PIBF1: variants seen among roughly 807,000 people sequenced by gnomAD.
PIBF1 encodes the protein progesterone-induced-blocking factor 1.
A neutral mutation model predicts 112.5 loss-of-function variants in PIBF1; 90 were observed. That is an observed-to-expected ratio of 0.80 (90% CI 0.67 to 0.95). The LOEUF is 0.95. Ranked by LOEUF, PIBF1 falls within the 40% of genes least tolerant of loss-of-function variation. The pLI, the probability that PIBF1 is intolerant of heterozygous loss-of-function variation, is 0.00. For synonymous variants in PIBF1, 301 were observed against 288.6 expected (o/e 1.04, Z -0.44); for missense variants, 915 against 852.3 (o/e 1.07, Z -0.92).
chr13:72,810,437 A>C (rs997612013), intron 5 of PIBF1, among the ~76,000 whole-genome samples: 1 of 152,244 alleles, frequency 6.6e-6, no homozygotes, highest in Non-Finnish European at 1.5e-5. Context: ...TTTTGTCAAG[A>C]GTACTTCCTT....
chr13:72,908,863 A>G (rs1000911645), intron 12 of PIBF1, among the ~76,000 whole-genome samples, 182 bp downstream of exon 12: 3 of 151,948 alleles, frequency 2.0e-5, no homozygotes, highest in Admixed American at 6.6e-5. Flanking sequence ...AGCCTGGCCA[A>G]CGTGACAAAA....
intron 8 of PIBF1, among the ~76,000 whole-genome samples, chr13:72,832,165 C>T (rs2037157862): frequency 7.7e-6 from 1 of 129,460 alleles, no homozygotes; most frequent in Non-Finnish European, 1.6e-5. Context: ...TGTGTCTTTG[C>T]AAATGAGATG....
intron 5 of PIBF1, among the ~76,000 whole-genome samples, chr13:72,811,267 T>A (rs1225398512): frequency 6.6e-6 from 1 of 152,186 alleles, no homozygotes; most frequent in East Asian, 1.9e-4. Flanking sequence ...TAATTGAGAT[T>A]TAAAAATAAC....
At chr13:72,862,772 C>T (rs2038751596) in intron 10 of PIBF1, among the ~76,000 whole-genome samples, 1 of 152,072 alleles carries the variant, frequency 6.6e-6, no homozygotes, top group South Asian at 2.1e-4. Context: ...TCCTGAAAAA[C>T]CTACTGGAAA....
chr13:72,942,966 A>T (rs1309840698), intron 14 of PIBF1, among the ~76,000 whole-genome samples: 1 of 152,128 alleles, frequency 6.6e-6, no homozygotes, highest in Non-Finnish European at 1.5e-5. Flanking sequence ...GTGTCACTGC[A>T]CTCCAGCCCA....
chr13:72,953,364 G>A (rs1458717753), intron 14 of PIBF1, among the ~76,000 whole-genome samples: 2 of 152,094 alleles, frequency 1.3e-5, no homozygotes, highest in African/African-American at 2.4e-5. Flanking sequence ...CGTAATGTGC[G>A]GCACTCCCCC....
chr13:72,874,122 A>G (rs2039292723), intron 10 of PIBF1, among the ~76,000 whole-genome samples: 1 of 152,146 alleles, frequency 6.6e-6, no homozygotes, highest in South Asian at 2.1e-4. Flanking sequence ...AGTTAACTCA[A>G]ATGTCCACAC....
At chr13:73,010,333 T>C (rs1407723253) in intron 17 of PIBF1, among the ~76,000 whole-genome samples, 1 of 151,188 alleles carries the variant, frequency 6.6e-6, no homozygotes, top group Non-Finnish European at 1.5e-5. Context: ...CCGGGTGCTG[T>C]GGCTCACACC....
At chr13:72,989,432 T>A (rs1202764624) in intron 16 of PIBF1, among the ~76,000 whole-genome samples, 1 of 152,170 alleles carries the variant, frequency 6.6e-6, no homozygotes, top group Non-Finnish European at 1.5e-5. Flanking sequence ...TGGTACAACA[T>A]GGATGAACTT....
Position 72,832,061 on chromosome 13 carries a change from G to C in PIBF1, c.1098-3182G>C, listed in dbSNP as rs538818569. ...GTCTGTTTTATCAGAGATTAGAATT[G>C]CAATTCCGGCCTTTTTTTTTTTTTT... On this transcript the variant is annotated intron_variant, in intron 8 of 17. Coordinates refer to ENST00000326291, the MANE Select transcript of PIBF1 (RefSeq NM_006346.4). 1.1e-3 allele frequency among the ~76,000 whole-genome samples: 133 copies of C among 120,706 alleles called. No homozygotes were observed. In the Middle Eastern group the frequency reaches 0.039, roughly 36 times the overall value. The allele number at this position is 120,706 out of a possible 152,430, so 79.2% of individuals were successfully genotyped here.
At chr13:73,006,131 C>T (rs939024167) in intron 17 of PIBF1, among the ~76,000 whole-genome samples, 8 of 151,964 alleles carry the variant, frequency 5.3e-5, no homozygotes, top group African/African-American at 1.9e-4. Context: ...ATTGGCCATG[C>T]TGGTCTCGAA....
intron 5 of PIBF1, among the ~76,000 whole-genome samples, chr13:72,808,934 G>A (rs573676030): frequency 1.3e-5 from 2 of 152,202 alleles, no homozygotes; most frequent in African/African-American, 2.4e-5. Context: ...TAAGGTATTT[G>A]TTAGGCATAT....
At chr13:72,991,412 G>T (rs2043475759) in intron 16 of PIBF1, among the ~76,000 whole-genome samples, 1 of 152,116 alleles carries the variant, frequency 6.6e-6, no homozygotes, top group Admixed American at 6.6e-5. Context: ...CCAAGTTTCA[G>T]TTGTATAATC....
chr13:72,908,292 T>C (rs1479313909), intron 11 of PIBF1, among the ~76,000 whole-genome samples: 1 of 152,134 alleles, frequency 6.6e-6, no homozygotes, highest in Non-Finnish European at 1.5e-5. Context: ...TTTAAATTCA[T>C]TTTTTATTCA....
At chr13:72,982,069 C>A (rs930064664) in intron 16 of PIBF1, among the ~76,000 whole-genome samples, 5 of 152,086 alleles carry the variant, frequency 3.3e-5, no homozygotes, top group Non-Finnish European at 7.3e-5. Flanking sequence ...AGCAGTGTTC[C>A]TGGAATATAA....
chr13:72,926,862 T>A (rs1338650040), intron 13 of PIBF1, among the ~76,000 whole-genome samples: 1 of 152,216 alleles, frequency 6.6e-6, no homozygotes, highest in Non-Finnish European at 1.5e-5. Flanking sequence ...AATTTGCCTG[T>A]CTTCCTCAGT....
intron 9 of PIBF1, among the ~76,000 whole-genome samples, chr13:72,848,628 G>A (rs995555576): frequency 3.3e-5 from 5 of 152,002 alleles, no homozygotes; most frequent in Admixed American, 2.0e-4. Flanking sequence ...GGCGGATCAC[G>A]AGGTCAGGAG....
intron 13 of PIBF1, among the ~76,000 whole-genome samples, chr13:72,925,311 T>C (rs889113445): frequency 6.6e-6 from 1 of 152,160 alleles, no homozygotes; most frequent in African/African-American, 2.4e-5. Context: ...AGATTGACAA[T>C]GCTCAGTATT....
chr13:72,795,891 G>T (rs930497887), intron 4 of PIBF1, among the ~76,000 whole-genome samples: 14 of 152,186 alleles, frequency 9.2e-5, no homozygotes, highest in Non-Finnish European at 1.9e-4. Context: ...AGGAGTCAGC[G>T]TGGTTATAAA....
Sources: allele counts gnomAD v4.1 joint callset (sites outside exome capture counted in the v4.1 genomes callset), GRCh38; gene constraint gnomAD v4.1.1; transcripts MANE v1.5; gene names NCBI Gene and HGNC (gene_info 2026-07-23, HGNC 2026-07-21).